The following CRB1 variants were observed in gnomAD, a reference collection of about 807,000 sequenced individuals.
CRB1 encodes the protein protein crumbs homolog 1.
A neutral mutation model predicts 120.0 loss-of-function variants in CRB1; 83 were observed. The ratio of observed to expected loss-of-function variants is 0.69; its 90% CI spans 0.58 to 0.83. CRB1 has a LOEUF of 0.83. Among genes scored for constraint, CRB1 ranks in the 40% least tolerant of loss-of-function variants. The pLI is 0.00. For missense variants in CRB1, 1,699 were observed against 1,687.6 expected (o/e 1.01, Z -0.12); for synonymous variants, 625 against 612.5 (o/e 1.02, Z -0.30).
chr1:197,285,409 C>G (rs893081735), intron 1 of CRB1, among the ~76,000 whole-genome samples: 4 of 151,754 alleles, frequency 2.6e-5, no homozygotes. Context: ...AAATACTCCT[C>G]TCAGTGGGAT....
At chr1:197,425,081 A>T (rs975455667) in intron 6 of CRB1, among the ~76,000 whole-genome samples, 1 of 152,174 alleles carries the variant, frequency 6.6e-6, no homozygotes, top group African/African-American at 2.4e-5. Context: ...GCATCCTGGG[A>T]TGACCAGCAG....
chr1:197,202,846 G>C, the CRB1 span, among the ~76,000 whole-genome samples: 2 of 152,120 alleles, frequency 1.3e-5, no homozygotes, highest in Non-Finnish European at 2.9e-5. Flanking sequence ...CACATCTCAT[G>C]AGACAAGCAT....
the CRB1 span, among the ~76,000 whole-genome samples, chr1:197,211,625 G>A: frequency 6.6e-6 from 1 of 152,098 alleles, no homozygotes; most frequent in Non-Finnish European, 1.5e-5. Flanking sequence ...TTCCCAAAAT[G>A]CCTTGCCTCT....
chr1:197,213,134 A>G, the CRB1 span, among the ~76,000 whole-genome samples: 1 of 152,204 alleles, frequency 6.6e-6, no homozygotes, highest in Non-Finnish European at 1.5e-5. Flanking sequence ...AGACAAAAGA[A>G]AGGTTAAATC....
the CRB1 span, among the ~76,000 whole-genome samples, chr1:197,215,302 A>T: frequency 7.3e-6 from 1 of 137,252 alleles, no homozygotes; most frequent in Admixed American, 7.7e-5. Flanking sequence ...TTTGAGACGC[A>T]GTTTCACTCT....
chr1:197,341,537 T>C (rs1428918015), intron 2 of CRB1, among the ~76,000 whole-genome samples: 1 of 147,196 alleles, frequency 6.8e-6, no homozygotes, highest in Non-Finnish European at 1.5e-5. Context: ...AGACTCCATC[T>C]CAGAAAAAAA....
chr1:197,374,975 G>T (rs1365047169), intron 5 of CRB1, among the ~76,000 whole-genome samples: 1 of 152,114 alleles, frequency 6.6e-6, no homozygotes, highest in Non-Finnish European at 1.5e-5. Flanking sequence ...TGATGGGCAG[G>T]ACCTTGGGGG....
chr1:197,461,541 G>A (rs975549057), intron 11 of CRB1, among the ~76,000 whole-genome samples: 2 of 152,146 alleles, frequency 1.3e-5, no homozygotes, highest in African/African-American at 4.8e-5. Flanking sequence ...AGAGTAGGCT[G>A]CATCCTGTGT....
intron 5 of CRB1, among the ~76,000 whole-genome samples, chr1:197,381,211 T>G (rs1009227175): frequency 2.6e-5 from 4 of 152,210 alleles, no homozygotes; most frequent in African/African-American, 7.2e-5. Context: ...ATTCTCCTCC[T>G]TTTAATATTT....
At chr1:197,430,418 C>A (rs576789098) in intron 8 of CRB1, among the ~76,000 whole-genome samples, 40 of 152,302 alleles carry the variant, frequency 2.6e-4, no homozygotes, top group Non-Finnish European at 4.7e-4. Context: ...CAAAAAATTT[C>A]TTTTGACACT....
chr1:197,230,186 G>A, the CRB1 span, among the ~76,000 whole-genome samples: 1 of 152,028 alleles, frequency 6.6e-6, no homozygotes, highest in African/African-American at 2.4e-5. Flanking sequence ...CATGTTTTTG[G>A]CCTTACAATA....
the CRB1 span, among the ~76,000 whole-genome samples, chr1:197,252,292 A>G: frequency 6.6e-6 from 1 of 151,332 alleles, no homozygotes; most frequent in Non-Finnish European, 1.5e-5. Flanking sequence ...ATTTAAAAAC[A>G]TAAAAACCTA....
At chr1:197,455,469 A>G (rs1047730360) in intron 11 of CRB1, among the ~76,000 whole-genome samples, 1 of 152,146 alleles carries the variant, frequency 6.6e-6, no homozygotes, top group Non-Finnish European at 1.5e-5. Context: ...CTTGTTTAAC[A>G]TGACATGAAT....
chr1:197,266,891 T>C (rs1218360515), upstream of CRB1, among the ~76,000 whole-genome samples: 1 of 152,164 alleles, frequency 6.6e-6, no homozygotes, highest in Admixed American at 6.5e-5. Flanking sequence ...AATTCCTTAG[T>C]CTTGGGGTTC....
At chr1:197,312,093 AT>A (rs1458134591) in intron 1 of CRB1, among the ~76,000 whole-genome samples, 6 of 152,154 alleles carry the variant, frequency 3.9e-5, no homozygotes, top group African/African-American at 7.2e-5. Context: ...GTTGCTCCAG[AT>A]TTGATGAGAT....
In CRB1 at chr1:197,414,667, T is replaced by C. The variant is rs529331249; in HGVS notation, c.1172-6333T>C. ...TAATTGCACATAAATAAGCAATTTG[T>C]ATTCAACTAAAATACCCAATTAAGA... On this transcript the variant is annotated intron_variant, in intron 5 of 11. Transcript: ENST00000367400. 5.7e-4 allele frequency among the ~76,000 whole-genome samples: 87 copies of C among 152,318 alleles called. 1 individual carries two copies. The South Asian group carries it at 0.016, about 27-fold the overall frequency.
At chr1:197,294,440 A>G (rs1441098983) in intron 1 of CRB1, among the ~76,000 whole-genome samples, 4 of 152,178 alleles carry the variant, frequency 2.6e-5, no homozygotes, top group Non-Finnish European at 4.4e-5. Flanking sequence ...AGAAATAGGA[A>G]CACTTACACT....
the CRB1 span, among the ~76,000 whole-genome samples, chr1:197,213,203 T>C: frequency 6.6e-6 from 1 of 152,180 alleles, no homozygotes; most frequent in Non-Finnish European, 1.5e-5. Flanking sequence ...TAATAGTGTA[T>C]TAAGTGATTC....
intron 6 of CRB1, 39 bp from the exon 7 acceptor site, chr1:197,427,415 T>C: frequency 6.3e-7 from 1 of 1,589,326 alleles, no homozygotes; most frequent in Non-Finnish European, 8.6e-7. Flanking sequence ...TTAAGATGTT[T>C]CTTTTTTTTT....
Sources: gnomAD v4.1 joint callset for allele counts (sites outside exome capture counted in the v4.1 genomes callset) on GRCh38, gnomAD v4.1.1 for gene constraint, MANE v1.5 for transcripts, NCBI Gene and HGNC (gene_info 2026-07-23, HGNC 2026-07-21) for gene names.